MINDY2: variants seen among roughly 807,000 people sequenced by gnomAD.
MINDY2 encodes the protein MINDY lysine 48 deubiquitinase 2.
In MINDY2, 52 loss-of-function variants were observed where a neutral mutation model predicts 68.2. That is an observed-to-expected ratio of 0.76 (90% CI 0.61 to 0.96). The LOEUF (loss-of-function observed/expected upper bound fraction) is 0.96. Among genes scored for constraint, MINDY2 ranks in the 40% least tolerant of loss-of-function variants. The probability of loss-of-function intolerance (pLI) is 0.00; values close to 1 mark genes in which losing one functional copy is unlikely to be tolerated. For synonymous variants in MINDY2, 372 were observed against 303.0 expected (o/e 1.23, Z -2.36); for missense variants, 881 against 773.4 (o/e 1.14, Z -1.65).
intron 1 of MINDY2, among the ~76,000 whole-genome samples, chr15:58,773,135 G>GGA (rs1843867649): frequency 6.7e-6 from 1 of 150,236 alleles, no homozygotes; most frequent in Non-Finnish European, 1.5e-5. Context: ...TGTTTCCTAG[G>GGA]AAAAAAAAAC....
intron 6 of MINDY2, among the ~76,000 whole-genome samples, chr15:58,844,756 A>C (rs777476634): frequency 4.6e-5 from 7 of 151,300 alleles, no homozygotes; most frequent in Admixed American, 6.6e-5. Flanking sequence ...ATCTCTACTA[A>C]AAATACAAAA....
rs989653388 is a variant in MINDY2, at chr15:58,848,729, G to C, written c.1542+1259G>C. ...CCACTGCACTCCAGCCTGGGCAACA[G>C]AGCGAGACTCCATCTCAAAACAAAA... On this transcript the variant is annotated intron_variant, in intron 7 of 8. Transcript: ENST00000559228. 2.0e-5 allele frequency among the ~76,000 whole-genome samples: 3 copies of C among 152,154 alleles called. No homozygotes were observed. The South Asian group carries it at 6.2e-4, about 32-fold the overall frequency.
intron 4 of MINDY2, among the ~76,000 whole-genome samples, chr15:58,820,178 G>A (rs1335322785): frequency 3.9e-5 from 6 of 152,098 alleles, no homozygotes; most frequent in African/African-American, 1.4e-4. Flanking sequence ...AGGCAGGAGA[G>A]TCGCTTGAAC....
chr15:58,810,037 T>C (rs1323527545), intron 3 of MINDY2, among the ~76,000 whole-genome samples, 193 bp from the exon 4 acceptor site: 2 of 152,180 alleles, frequency 1.3e-5, no homozygotes, highest in African/African-American at 4.8e-5. Context: ...TCAGTGTCTG[T>C]TTTATTCATT....
At chr15:58,827,943 T>C (rs1416428521) in intron 5 of MINDY2, among the ~76,000 whole-genome samples, 1 of 151,934 alleles carries the variant, frequency 6.6e-6, no homozygotes, top group African/African-American at 2.4e-5. Context: ...AATCAAATCA[T>C]ATGAGTGGGC....
intron 6 of MINDY2, among the ~76,000 whole-genome samples, chr15:58,844,077 C>G (rs1324367471): frequency 2.0e-5 from 3 of 151,976 alleles, no homozygotes; most frequent in African/African-American, 7.2e-5. Flanking sequence ...AGATTTGAGT[C>G]TTAAGAAAGC....
chr15:58,821,143 C>T (rs78122215), intron 4 of MINDY2, among the ~76,000 whole-genome samples: 18 of 151,524 alleles, frequency 1.2e-4, no homozygotes, highest in East Asian at 7.7e-4. Context: ...AGAATCATGG[C>T]GCATATCCCA....
chr15:58,828,870 T>C, intron 5 of MINDY2, among the ~76,000 whole-genome samples: 1 of 152,122 alleles, frequency 6.6e-6, no homozygotes, highest in East Asian at 1.9e-4. Flanking sequence ...TTTCTGAATG[T>C]AAGAAATATT....
chr15:58,852,287 C>CAAA lies in MINDY2; in HGVS notation c.1737+338_1737+340dup, dbSNP rs60365490. 3.8e-3 allele frequency among the ~76,000 whole-genome samples: 238 copies of CAAA among 61,916 alleles called. 12 individuals are homozygous for CAAA. Among genetic ancestry groups the CAAA allele is most frequent in the African/African-American group, 0.013 (214 of 16,586 alleles). 40.6% of individuals were successfully genotyped at this position (61,916 alleles called of 152,430 possible). On this transcript the variant is annotated intron_variant, in intron 8 of 8. Transcript: ENST00000559228. ...AGGATGATAGAGCAAGACTCCTTCT[C>CAAA]AAAAAAAAAAAAAAAAAAGATGATC...
chr15:58,814,578 C>T (rs2030545840), intron 4 of MINDY2, among the ~76,000 whole-genome samples: 1 of 150,290 alleles, frequency 6.7e-6, no homozygotes, highest in Non-Finnish European at 1.5e-5. Context: ...GAGATCTCGC[C>T]ATATTGCTCA....
At chr15:58,841,901 T>C (rs1251167788) in intron 6 of MINDY2, among the ~76,000 whole-genome samples, 1 of 152,162 alleles carries the variant, frequency 6.6e-6, no homozygotes, top group African/African-American at 2.4e-5. Context: ...AAGTCAGTTT[T>C]GCTTCTCATA....
At position 58,787,917 on chromosome 15, in the gene MINDY2, A is replaced by G. The variant is rs375079140; in HGVS notation, c.852A>G (p.Pro284=). ...ATTTTGTTTTTCAGGTGAAACTTCC[A>G]CCGATGATGGAAATCATAACTGCTG... The part of the protein sequence containing the change: ...VLLLAWKVKL[P]PMMEIITAEQ... The change falls in exon 2 of 9, where the codon CCA becomes CCG. Residue 284 remains proline, a synonymous_variant. Coordinates refer to ENST00000559228, the MANE Select transcript of MINDY2 (RefSeq NM_001040450.3). 2.5e-5 allele frequency: 40 copies of G among 1,596,522 alleles called. No homozygotes were observed. In the African/African-American group the frequency reaches 4.6e-4, roughly 18 times the overall value.
In MINDY2 at chr15:58,852,097, G is replaced by A. The variant is rs2032843888; in HGVS notation, c.1737+132G>A. The A allele has an allele frequency of 1.6e-5, 9 of 580,044 alleles. No homozygotes were observed. In the South Asian group the frequency reaches 2.2e-4, roughly 14 times the overall value. The allele number at this position is 580,044 out of a possible 1,614,324, so 35.9% of individuals were successfully genotyped here. Reference sequence around the variant, plus strand: ...AGCCCAGGAGTTCGAGACCAGCCTGGCCAACATGGCAAAACCCTATCTCTA... The same window carrying A: ...AGCCCAGGAGTTCGAGACCAGCCTGACCAACATGGCAAAACCCTATCTCTA... On this transcript the variant is annotated intron_variant, in intron 8 of 8. Transcript: ENST00000559228.
chr15:58,815,041 A>T (rs2030585320), intron 4 of MINDY2, among the ~76,000 whole-genome samples: 1 of 152,124 alleles, frequency 6.6e-6, no homozygotes, highest in African/African-American at 2.4e-5. Flanking sequence ...AAGAAGATTT[A>T]GTTCTTTATT....
intron 1 of MINDY2, among the ~76,000 whole-genome samples, chr15:58,782,981 G>C (rs998585017): frequency 2.3e-5 from 3 of 132,328 alleles, no homozygotes; most frequent in Admixed American, 8.8e-5. Context: ...GTGCAGTGGC[G>C]TGATCTTTAC....
chr15:58,828,374 C>G (rs11635016), intron 5 of MINDY2, among the ~76,000 whole-genome samples: 1 of 152,012 alleles, frequency 6.6e-6, no homozygotes, highest in Non-Finnish European at 1.5e-5. Context: ...GAACACAAAT[C>G]TGAGACAGGA....
intron 8 of MINDY2, among the ~76,000 whole-genome samples, chr15:58,852,584 G>T (rs1274044644): frequency 6.6e-6 from 1 of 152,196 alleles, no homozygotes. Context: ...TTTGGAGCCA[G>T]ATAAATGTGG....
chr15:58,826,804 A>G (rs1377530311), intron 5 of MINDY2, among the ~76,000 whole-genome samples: 2 of 151,924 alleles, frequency 1.3e-5, no homozygotes, highest in Non-Finnish European at 2.9e-5. Context: ...TAGTTGTCAC[A>G]TCTCTTTAGT....
At chr15:58,773,230 C>T (rs1307913054) in intron 1 of MINDY2, among the ~76,000 whole-genome samples, 2 of 152,038 alleles carry the variant, frequency 1.3e-5, no homozygotes, top group Non-Finnish European at 2.9e-5. Context: ...ACAAGACAAT[C>T]GCTTGAGCCC....
Sources: allele counts gnomAD v4.1 joint callset (sites outside exome capture counted in the v4.1 genomes callset), GRCh38; gene constraint gnomAD v4.1.1; transcripts MANE v1.5; gene names NCBI Gene and HGNC (gene_info 2026-07-23, HGNC 2026-07-21).